The following ARHGEF10 variants were observed in gnomAD, a reference collection of about 807,000 sequenced individuals.
ARHGEF10 encodes Rho guanine nucleotide exchange factor (GEF) 10.
In ARHGEF10, 140 loss-of-function variants were observed where a neutral mutation model predicts 147.4. The observed-to-expected ratio is 0.95, with a 90% CI of 0.83 to 1.09. The LOEUF is 1.09. Ranked by LOEUF, ARHGEF10 falls within the 50% of genes least tolerant of loss-of-function variation. The probability of loss-of-function intolerance (pLI) is 0.00; values close to 1 mark genes in which losing one functional copy is unlikely to be tolerated. For missense variants in ARHGEF10, 2,222 were observed against 1,752.7 expected (o/e 1.27, Z -4.78); for synonymous variants, 902 against 695.8 (o/e 1.30, Z -4.67).
rs569753210 is a variant in ARHGEF10 at position 1,923,313 on chromosome 8, C to T, written c.2260-155C>T. On this transcript the variant is annotated intron_variant, in intron 19 of 28. Transcript: ENST00000349830. Reference sequence around the variant, plus strand: ...CTATCTTAGAAATGTCTCAGCCCCCCACAGTGTGATCTGACTCCCAAAGCT... The same window carrying T: ...CTATCTTAGAAATGTCTCAGCCCCCTACAGTGTGATCTGACTCCCAAAGCT... 7 of 1,173,918 alleles carry T rather than the reference C, an allele frequency of 6.0e-6. No individual in the cohort carries two copies. The African/African-American group carries it at 9.2e-5, about 15-fold the overall frequency. 72.7% of individuals were successfully genotyped at this position (1,173,918 alleles called of 1,614,324 possible). A position where few individuals can be genotyped will look rare whatever the true frequency, so the allele number is the denominator to read the frequency against.
At chr8:1,876,328 G>T in intron 7 of ARHGEF10, 1 of 572,448 alleles carries the variant, frequency 1.7e-6, no homozygotes, top group Non-Finnish European at 3.1e-6. Flanking sequence ...TACAGATGGG[G>T]CAGGGGCACT....
At chr8:1,893,013 A>T (rs546445691) in intron 11 of ARHGEF10, among the ~76,000 whole-genome samples, 3 of 144,946 alleles carry the variant, frequency 2.1e-5, no homozygotes, top group African/African-American at 7.8e-5. Flanking sequence ...TTTTTTTTGC[A>T]CCTCTAAGTG....
At chr8:1,862,375 C>A (rs1806202662) in intron 4 of ARHGEF10, among the ~76,000 whole-genome samples, 2 of 152,284 alleles carry the variant, frequency 1.3e-5, no homozygotes, top group South Asian at 4.1e-4. Flanking sequence ...TTTTTCCTGC[C>A]TACCGAAACC....
intron 25 of ARHGEF10, among the ~76,000 whole-genome samples, chr8:1,931,728 T>C (rs765833636): frequency 3.9e-5 from 6 of 152,142 alleles, no homozygotes; most frequent in Non-Finnish European, 7.3e-5. Context: ...AATGTGAAAT[T>C]CTGTGGGCAA....
intron 21 of ARHGEF10, among the ~76,000 whole-genome samples, chr8:1,925,076 C>A (rs1017260938): frequency 1.3e-5 from 2 of 152,150 alleles, no homozygotes; most frequent in African/African-American, 4.8e-5. Flanking sequence ...TTAGATGGGG[C>A]CAGGCTGCCT....
At position 1,838,190 on chromosome 8, in the gene ARHGEF10, C is replaced by T. The variant is rs148494513; in HGVS notation, c.-47-5163C>T. 2.6e-5 allele frequency among the ~76,000 whole-genome samples: 4 copies of T among 152,340 alleles called. No individual in the cohort carries two copies. The South Asian group carries it at 8.3e-4, about 32-fold the overall frequency. On this transcript the variant is annotated intron_variant, in intron 1 of 28. Transcript: ENST00000349830. ...CTGGTGCCTTCCTTTCTCTAACAGG[C>T]CTGGACTCCATCTCCAGCGATCCTG...
chr8:1,882,017 G>A (rs920192852), intron 9 of ARHGEF10, among the ~76,000 whole-genome samples: 1 of 152,190 alleles, frequency 6.6e-6, no homozygotes, highest in Admixed American at 6.5e-5. Flanking sequence ...AGCTCTGGCC[G>A]AGGAAGTGGA....
chr8:1,888,130 T>TTCTGAGGAGACACTTAGTGGGGTGAGGG lies in ARHGEF10; in HGVS notation c.1182+2424_1182+2425insCTGAGGAGACACTTAGTGGGGTGAGGGT. On this transcript the variant is annotated intron_variant, in intron 11 of 28. Coordinates refer to ENST00000349830, the MANE Select transcript of ARHGEF10 (RefSeq NM_014629.4). ...GAGGAGACACTTAGTGGGGTGAGGG[T>TTCTGAGGAGACACTTAGTGGGGTGAGGG]TTGCGAGGAGACACTTAGTGGGGCG... 6.9e-5 allele frequency among the ~76,000 whole-genome samples: 2 copies of TTCTGAGGAGACACTTAGTGGGGTGAGGG among 29,014 alleles called. 1 individual carries two copies. Among genetic ancestry groups the TTCTGAGGAGACACTTAGTGGGGTGAGGG allele is most frequent in the Admixed American group, 6.4e-4 (2 of 3,102 alleles). The allele number at this position is 29,014 out of a possible 152,430, so 19.0% of individuals were successfully genotyped here.
chr8:1,833,709 T>C (rs59246774), intron 1 of ARHGEF10, among the ~76,000 whole-genome samples: 86,461 of 152,122 alleles, frequency 0.57, 24,819 homozygotes, highest in Middle Eastern at 0.71. Flanking sequence ...GCCCAGCTTG[T>C]TTCCTGAACC....
chr8:1,853,470 T>C lies in ARHGEF10; in HGVS notation c.38-4490T>C, dbSNP rs186481661. Among the ~76,000 whole-genome samples the C allele has an allele frequency of 1.6e-3, 249 of 152,356 alleles. 3 individuals carry two copies. The highest frequency in any genetic ancestry group is 2.2e-4 in the Non-Finnish European group (15 of 68,040). On this transcript the variant is annotated intron_variant, in intron 2 of 28. Coordinates refer to ENST00000349830, the MANE Select transcript of ARHGEF10 (RefSeq NM_014629.4). ...CTCCTGAGATGCTTTCAGCAGCCCT[T>C]GAGCATCTTTTCTAGTTTGCAAATT...
intron 1 of ARHGEF10, among the ~76,000 whole-genome samples, chr8:1,828,168 G>C (rs1414376292): frequency 6.6e-6 from 1 of 152,246 alleles, no homozygotes; most frequent in African/African-American, 2.4e-5. Context: ...GGGTGAGTCA[G>C]GCTCCTGCAA....
At chr8:1,936,534 A>T (rs554919261) in intron 26 of ARHGEF10, among the ~76,000 whole-genome samples, 79 of 152,226 alleles carry the variant, frequency 5.2e-4, no homozygotes, top group Non-Finnish European at 1.1e-3. Context: ...TTTGACCCTC[A>T]CACAAAATGT....
intron 1 of ARHGEF10, among the ~76,000 whole-genome samples, chr8:1,832,728 ACAGAGGCAGAGG>A (rs767431666): frequency 1.9e-5 from 2 of 104,080 alleles, no homozygotes; most frequent in African/African-American, 4.1e-5. Flanking sequence ...GCAGAGAGAG[ACAGAGGCAGAGG>A]CAGAGGCAGA....
chr8:1,953,791 C>T (rs796088722), intron 28 of ARHGEF10, among the ~76,000 whole-genome samples: 24 of 152,254 alleles, frequency 1.6e-4, no homozygotes, highest in African/African-American at 5.5e-4. Context: ...CTGTTAAGTT[C>T]AGTAAACCAC....
intron 3 of ARHGEF10, 133 bp from the exon 4 acceptor site, chr8:1,859,764 C>T (rs1805938204): frequency 8.9e-7 from 1 of 1,117,824 alleles, no homozygotes; most frequent in Non-Finnish European, 1.3e-6. Flanking sequence ...ACCTGATGAC[C>T]TGGGAACGTC....
In ARHGEF10 at chr8:1,837,748, C is replaced by T. The variant is rs767132813; in HGVS notation, c.-47-5605C>T. ...CAGAGCGTGGGTTACCAGGGGAGGG[C>T]GCTGATTTTCTCTGAAGCCCGAGGC... On this transcript the variant is annotated intron_variant, in intron 1 of 28. Coordinates refer to ENST00000349830, the MANE Select transcript of ARHGEF10 (RefSeq NM_014629.4). Among the ~76,000 whole-genome samples the T allele has an allele frequency of 4.6e-5, 7 of 152,238 alleles. No homozygotes were observed. The South Asian group carries it at 6.2e-4, about 14-fold the overall frequency.
chr8:1,883,316 C>G (rs1010659100), intron 10 of ARHGEF10, among the ~76,000 whole-genome samples: 1 of 152,094 alleles, frequency 6.6e-6, no homozygotes, highest in African/African-American at 2.4e-5. Flanking sequence ...GAGGAGACTT[C>G]TCGGAGCCTT....
chr8:1,892,596 C>G (rs1809631980), intron 11 of ARHGEF10, among the ~76,000 whole-genome samples: 1 of 151,762 alleles, frequency 6.6e-6, no homozygotes, highest in African/African-American at 2.4e-5. Context: ...TAATCCAGGG[C>G]TGCAGGTAGC....
intron 6 of ARHGEF10, among the ~76,000 whole-genome samples, chr8:1,867,050 T>A (rs1372763300): frequency 6.6e-6 from 1 of 151,530 alleles, no homozygotes; most frequent in Non-Finnish European, 1.5e-5. Context: ...ACACACTTTA[T>A]TTTACATAAC....
Sources: gnomAD v4.1 joint callset for allele counts (sites outside exome capture counted in the v4.1 genomes callset) on GRCh38, gnomAD v4.1.1 for gene constraint, MANE v1.5 for transcripts, NCBI Gene and HGNC (gene_info 2026-07-23, HGNC 2026-07-21) for gene names.